The following CABIN1 variants were observed in gnomAD, a reference collection of about 807,000 sequenced individuals.
The protein encoded by CABIN1 is calcineurin-binding protein cabin-1.
CABIN1 carries 133 observed loss-of-function variants against 227.7 expected under a neutral mutation model. The ratio of observed to expected loss-of-function variants is 0.58; its 90% CI spans 0.51 to 0.67. CABIN1 has a LOEUF of 0.67. Ranked by LOEUF, CABIN1 falls within the 30% of genes least tolerant of loss-of-function variation. CABIN1 has a pLI of 0.00. For missense variants in CABIN1, 2,408 were observed against 2,852.5 expected, an observed-to-expected ratio of 0.84 and a Z score of 3.55; for synonymous variants, 1,086 against 1,155.1, an observed-to-expected ratio of 0.94 and a Z score of 1.21.
chr22:24,170,724 G>A (rs1171120572), intron 33 of CABIN1, among the ~76,000 whole-genome samples: 3 of 151,026 alleles, frequency 2.0e-5, no homozygotes, highest in Non-Finnish European at 4.4e-5. Context: ...AATGTCAGAA[G>A]AGACAGGGTC....
chr22:24,092,030 T>C, intron 24 of CABIN1, 187 bp downstream of exon 24: 2 of 696,494 alleles, frequency 2.9e-6, no homozygotes, highest in South Asian at 3.8e-5. Context: ...GGGGTGTTTA[T>C]CATCCTTTCT....
At chr22:24,024,116 T>G (rs1001635115) in intron 1 of CABIN1, among the ~76,000 whole-genome samples, 1 of 152,208 alleles carries the variant, frequency 6.6e-6, no homozygotes, top group African/African-American at 2.4e-5. Flanking sequence ...ATTAATCTCT[T>G]ATTAGGTATA....
intron 18 of CABIN1, among the ~76,000 whole-genome samples, chr22:24,075,477 G>C (rs907863815): frequency 1.1e-4 from 16 of 152,122 alleles, no homozygotes; most frequent in African/African-American, 3.4e-4. Flanking sequence ...GAACTTTTAA[G>C]GCCAGGCGCC....
intron 29 of CABIN1, among the ~76,000 whole-genome samples, chr22:24,142,049 G>C (rs1481695302): frequency 6.6e-6 from 1 of 152,136 alleles, no homozygotes; most frequent in Non-Finnish European, 1.5e-5. Flanking sequence ...GCAAGAATCA[G>C]TCATGCCCAT....
chr22:24,130,171 G>T (rs1162920232), intron 28 of CABIN1, among the ~76,000 whole-genome samples: 1 of 152,222 alleles, frequency 6.6e-6, no homozygotes, highest in Non-Finnish European at 1.5e-5. Context: ...TATCTGGCAA[G>T]TGGCTCCATG....
rs535925732 is a variant in CABIN1, at chr22:24,050,071, T to G, written c.657-754T>G. The stretch of plus-strand genomic sequence containing the variant: ...ACAGCCCTCCAGCCCAGCCAACTCC[T>G]TTTGCCCTCTGGTCTTCCTTGGCCC... On this transcript the variant is annotated intron_variant, in intron 7 of 36. Coordinates refer to ENST00000263119, the MANE Select transcript of CABIN1 (RefSeq NM_012295.4). Among the ~76,000 whole-genome samples the G allele has an allele frequency of 3.6e-4, 55 of 152,192 alleles. 1 individual carries two copies. The highest frequency in any genetic ancestry group is 4.6e-4 in the Non-Finnish European group (31 of 68,036).
Position 24,119,381 on chromosome 22 carries a change from T to G in CABIN1, c.4315T>G (p.Ser1439Ala). Residue 1439 changes from serine to alanine, a missense_variant, in exon 28 of 37, where the codon TCA becomes GCA. Around this residue, in one of 3 missense-constraint regions of CABIN1, gnomAD observed 649 missense variants for 910.3 expected, o/e 0.71. Coordinates refer to ENST00000263119, the MANE Select transcript of CABIN1 (RefSeq NM_012295.4). ...CTCAACTGTAGGAAAAAACGAGGAG[T>G]CATTGGAGAGTACAGAAGGCTTCCG... The part of the protein sequence containing the change: ...ATEERGKNEE[S>A]LESTEGFRAA... 2 of 1,612,916 alleles carry G rather than the reference T, an allele frequency of 1.2e-6. No individual in the cohort carries two copies. The highest frequency in any genetic ancestry group is 1.7e-6 in the Non-Finnish European group (2 of 1,179,924).
At chr22:24,082,497 T>A (rs2147025821) in intron 19 of CABIN1, among the ~76,000 whole-genome samples, 1 of 152,358 alleles carries the variant, frequency 6.6e-6, no homozygotes, top group African/African-American at 2.4e-5. Context: ...TTTTATATAA[T>A]TGATTTCTAA....
chr22:24,041,025 A>T (rs2037326905), intron 4 of CABIN1, 114 bp from the exon 5 acceptor site: 2 of 1,267,666 alleles, frequency 1.6e-6, no homozygotes, highest in Non-Finnish European at 2.3e-6. Flanking sequence ...GGTGGACAAC[A>T]CTAGACTGGC....
chr22:24,085,676 A>G (rs992974110), intron 22 of CABIN1, among the ~76,000 whole-genome samples: 12 of 152,370 alleles, frequency 7.9e-5, no homozygotes, highest in African/African-American at 2.9e-4. Context: ...CATGAAGCTC[A>G]TGCTCTCTTC....
At position 24,177,715 on chromosome 22, in the gene CABIN1, C is replaced by T. The variant is rs570633463; in HGVS notation, c.6417C>T (p.Ser2139=). 319 of 1,613,094 alleles carry T rather than the reference C, an allele frequency of 2.0e-4. 6 individuals are homozygous for T. In the South Asian group the frequency reaches 2.5e-3, roughly 12 times the overall value. The change falls in exon 36 of 37, where the codon TCC becomes TCT. Residue 2139 remains serine, a synonymous_variant. Transcript: ENST00000263119. The surrounding 1 kb of genome is among the most constrained non-coding windows in gnomAD (Gnocchi z 4.4). ...LPNMPKLVIP[S]AATKFPPEIT... is the part of the protein sequence containing the mutation. ...ACATGCCAAAGCTGGTCATCCCCTC[C>T]GCCGCCACCAAGTTCCCCCCTGAGA... is the stretch of plus-strand genomic sequence containing the variant.
intron 29 of CABIN1, among the ~76,000 whole-genome samples, chr22:24,150,632 C>A (rs1047554722): frequency 6.6e-6 from 1 of 152,170 alleles, no homozygotes; most frequent in Non-Finnish European, 1.5e-5. Context: ...GGACAGGGGG[C>A]TAGAGAGACC....
chr22:24,085,919 A>G (rs1421296392), intron 22 of CABIN1, among the ~76,000 whole-genome samples: 1 of 152,240 alleles, frequency 6.6e-6, no homozygotes, highest in Non-Finnish European at 1.5e-5. Flanking sequence ...CTCAGAGGCC[A>G]GGCTGTGATA....
At chr22:24,017,878 T>C (rs143903738) in intron 1 of CABIN1, among the ~76,000 whole-genome samples, 2 of 152,222 alleles carry the variant, frequency 1.3e-5, no homozygotes, top group African/African-American at 2.4e-5. Flanking sequence ...TAAAACGTTA[T>C]TTATTTATTT....
chr22:24,117,439 A>G (rs779564320), intron 27 of CABIN1, among the ~76,000 whole-genome samples: 2 of 151,978 alleles, frequency 1.3e-5, no homozygotes, highest in Admixed American at 6.5e-5. Context: ...GCCTCAAGCA[A>G]TCCTCTCACC....
In CABIN1 at chr22:24,085,027, G is replaced by C. The variant is rs2041061125; in HGVS notation, c.3139G>C (p.Ala1047Pro). 1 of 1,614,066 alleles carries C rather than the reference G, an allele frequency of 6.2e-7. No individual in the cohort carries two copies. The highest frequency in any genetic ancestry group is 8.5e-7 in the Non-Finnish European group (1 of 1,180,042). ...STEVPCLPEG[A>P]DPSPPVVNEL... ...CCAGGTACCCTGCCTCCCAGAGGGG[G>C]CTGACCCCTCCCCTCCAGTGGTGAA... Residue 1047 changes from alanine (A) to proline (P), a missense_variant, in exon 22 of 37, where the codon GCT (alanine) becomes CCT (proline). Physicochemically the swap from Ala to Pro is conservative, Grantham distance 27. Coordinates refer to ENST00000263119, the MANE Select transcript of CABIN1 (RefSeq NM_012295.4).
chr22:24,119,072 C>T (rs149156471), intron 27 of CABIN1, among the ~76,000 whole-genome samples: 22 of 152,306 alleles, frequency 1.4e-4, no homozygotes, highest in African/African-American at 3.8e-4. Context: ...CCTGTGCCAC[C>T]GTTCAGAGGG....
chr22:24,039,365 A>T (rs1299546043), intron 4 of CABIN1, among the ~76,000 whole-genome samples: 1 of 152,096 alleles, frequency 6.6e-6, no homozygotes, highest in African/African-American at 2.4e-5. Flanking sequence ...TAATTGTGAG[A>T]AGAAAGCATC....
rs374564349 is a variant in CABIN1, at chr22:24,091,866, C to G, written c.3786+23C>G. ...GAGGTGACACCATGCTGGCCCAGGG[C>G]GGGGAAGCAGGGCAGGGGCAGGCTG... On this transcript the variant is annotated intron_variant, in intron 24 of 36. Transcript: ENST00000263119. 3 of 1,610,504 alleles carry G rather than the reference C, an allele frequency of 1.9e-6. No individual in the cohort carries two copies. In the Admixed American group the frequency reaches 5.0e-5, roughly 27 times the overall value.
Sources: gnomAD v4.1 joint callset for allele counts (sites outside exome capture counted in the v4.1 genomes callset) on GRCh38, gnomAD v4.1.1 for gene constraint, gnomAD v4.1.1 regional missense constraint, Gnocchi (gnomAD v3.1) non-coding constraint, MANE v1.5 for transcripts, NCBI Gene and HGNC (gene_info 2026-07-23, HGNC 2026-07-21) for gene names.